The following EP300 variants were observed in gnomAD, a reference collection of about 807,000 sequenced individuals.
EP300 encodes the protein EP300 lysine acetyltransferase, also known as histone acetyltransferase p300.
In EP300, 31 loss-of-function variants were observed where a neutral mutation model predicts 264.0. That is an observed-to-expected ratio of 0.12 (90% CI 0.09 to 0.16). The LOEUF (loss-of-function observed/expected upper bound fraction) is 0.16. Among genes scored for constraint, EP300 ranks in the 10% least tolerant of loss-of-function variants. The pLI is 1.00. For synonymous variants in EP300, 1,340 were observed against 1,045.4 expected, an observed-to-expected ratio of 1.28 and a Z score of -5.44; for missense variants, 2,766 against 3,052.9, an observed-to-expected ratio of 0.91 and a Z score of 2.21.
chr22:41,100,598 T>G (rs1023644020), intron 1 of EP300, among the ~76,000 whole-genome samples: 1 of 152,218 alleles, frequency 6.6e-6, no homozygotes, highest in African/African-American at 2.4e-5. Flanking sequence ...TGTACAGACT[T>G]TATTTTCTTG....
chr22:41,093,320 C>T (rs2058684517), intron 1 of EP300, among the ~76,000 whole-genome samples: 1 of 152,152 alleles, frequency 6.6e-6, no homozygotes, highest in Non-Finnish European at 1.5e-5. Flanking sequence ...GGTGTGTGTT[C>T]TGGAATTAGA....
chr22:41,169,071 C>T, intron 25 of EP300: 2 of 698,352 alleles, frequency 2.9e-6, no homozygotes, highest in Non-Finnish European at 5.0e-6. Flanking sequence ...CTTCTGTGGT[C>T]ATAGTAATAA....
intron 7 of EP300, among the ~76,000 whole-genome samples, chr22:41,137,315 C>A (rs758518304): frequency 2.8e-5 from 4 of 144,724 alleles, no homozygotes; most frequent in African/African-American, 1.0e-4. Flanking sequence ...TGGGATTGCA[C>A]CACTACAGTC....
At position 41,177,437 on chromosome 22, in the gene EP300, C is replaced by T. The variant is rs759814127; in HGVS notation, c.5726C>T (p.Thr1909Ile). ...GKAAGQVTPP[T>I]PPQTAQPPLP... ...GCAGCAGGCCAGGTGACCCCTCCAA[C>T]CCCTCCTCAGACTGCTCAGCCACCC... Residue 1909 changes from threonine to isoleucine, a missense_variant, in exon 31 of 31, where the codon ACC (threonine) becomes ATC (isoleucine). By Grantham distance (89) the Thr-to-Ile change is moderately conservative. Coordinates refer to ENST00000263253, the MANE Select transcript of EP300 (RefSeq NM_001429.4). The T allele has an allele frequency of 2.5e-6, 4 of 1,614,182 alleles. No homozygotes were observed. In the South Asian group the frequency reaches 3.3e-5, roughly 13 times the overall value.
intron 6 of EP300, among the ~76,000 whole-genome samples, chr22:41,133,385 A>G (rs1404655163): frequency 2.6e-5 from 4 of 151,992 alleles, no homozygotes; most frequent in African/African-American, 9.7e-5. Flanking sequence ...TCCTGACCTC[A>G]GGTGATCTGC....
At chr22:41,118,057 C>A (rs559626354) in intron 2 of EP300, among the ~76,000 whole-genome samples, 1 of 152,196 alleles carries the variant, frequency 6.6e-6, no homozygotes, top group Non-Finnish European at 1.5e-5. Flanking sequence ...CTCTCTGGCA[C>A]AAGTATTGGA....
rs1445263887 is a variant in EP300 at position 41,152,333 on chromosome 22, G to A, written c.3125G>A (p.Gly1042Glu). Residue 1042 changes from glycine (G) to glutamate (E), a missense_variant, in exon 16 of 31, where the codon GGA becomes GAA. By Grantham distance (98) the Gly-to-Glu change is moderately conservative. Coordinates refer to ENST00000263253, the MANE Select transcript of EP300 (RefSeq NM_001429.4). ...GCTACCCAGTCATCTCCGGCTCCAGGACAGTCAAAGAAAAAGAGTGAGTCT... is the reference window on the plus strand; with the variant it reads ...GCTACCCAGTCATCTCCGGCTCCAGAACAGTCAAAGAAAAAGAGTGAGTCT... ...TSATQSSPAP[G>E]QSKKKIFKPE... is the part of the protein sequence containing the mutation. 1 of 1,613,530 alleles carries A rather than the reference G, an allele frequency of 6.2e-7. No individual in the cohort carries two copies. Among genetic ancestry groups the A allele is most frequent in the Non-Finnish European group, 8.5e-7 (1 of 1,179,818 alleles).
intron 23 of EP300, among the ~76,000 whole-genome samples, chr22:41,167,582 GTGTATA>G (rs1267177069): frequency 3.3e-3 from 71 of 21,600 alleles, no homozygotes; most frequent in Non-Finnish European, 4.7e-3. Context: ...GTGTGTGTGT[GTGTATA>G]TATATATATA....
chr22:41,125,335 G>T (rs2058875378), intron 2 of EP300, among the ~76,000 whole-genome samples: 1 of 151,650 alleles, frequency 6.6e-6, no homozygotes, highest in Non-Finnish European at 1.5e-5. Context: ...AGCCAGGATA[G>T]TCTCTATCTC....
rs143533118 is a variant in EP300 at position 41,164,625 on chromosome 22, G to C, written c.3806+495G>C. Among the ~76,000 whole-genome samples the C allele has an allele frequency of 1.8e-4, 27 of 152,304 alleles. No homozygotes were observed. In the East Asian group the frequency reaches 3.9e-3, roughly 22 times the overall value. ...ACTCAGGAGGGAGGCTGAGGGAAGA[G>C]AATCACTTGAACCTGTGAGGGGGAG... On this transcript the variant is annotated intron_variant, in intron 22 of 30. Transcript: ENST00000263253.
At chr22:41,117,948 A>AT in intron 2 of EP300, 127 bp downstream of exon 2, 2 of 1,480,260 alleles carry the variant, frequency 1.4e-6, no homozygotes, top group Non-Finnish European at 9.2e-7. Context: ...CTGTGCTGTC[A>AT]TAAGTTTTAA....
At chr22:41,150,845 T>A (rs1042759946) in intron 14 of EP300, among the ~76,000 whole-genome samples, 1 of 151,188 alleles carries the variant, frequency 6.6e-6, no homozygotes, top group African/African-American at 2.4e-5. Context: ...GATCCGAGAT[T>A]GCGCCACTGC....
At chr22:41,150,656 T>G (rs1601620310) in intron 14 of EP300, among the ~76,000 whole-genome samples, 1 of 151,956 alleles carries the variant, frequency 6.6e-6, no homozygotes, top group Non-Finnish European at 1.5e-5. Context: ...TGGGAGGCTG[T>G]GGCAGGCAGA....
At chr22:41,155,643 C>T (rs1169475985) in intron 17 of EP300, among the ~76,000 whole-genome samples, 1 of 152,166 alleles carries the variant, frequency 6.6e-6, no homozygotes, top group African/African-American at 2.4e-5. Context: ...TCTCCCATAG[C>T]ACCCCAATCC....
chr22:41,147,790 C>G (rs781506517), intron 11 of EP300, 47 bp from the exon 12 acceptor site: 1 of 1,217,768 alleles, frequency 8.2e-7, no homozygotes, highest in South Asian at 1.2e-5. Flanking sequence ...TTTTATTATT[C>G]AATTTCACAA....
chr22:41,161,329 A>G (rs575227846), intron 20 of EP300, among the ~76,000 whole-genome samples: 1 of 152,300 alleles, frequency 6.6e-6, no homozygotes, highest in Non-Finnish European at 1.5e-5. Flanking sequence ...CTAATAGTTT[A>G]ATCTCTGGCC....
rs576934458 is a variant in EP300, at chr22:41,151,282, T to G, written c.2818-551T>G. Among the ~76,000 whole-genome samples, 22 of 152,208 alleles carry G rather than the reference T, an allele frequency of 1.4e-4. No homozygotes were observed. In the South Asian group the frequency reaches 4.1e-3, roughly 29 times the overall value. ...CAGTGGATCTGCTTGATTTTATTCT[T>G]TATAAAATCAAGGATACTTCCAGAA... On this transcript the variant is annotated intron_variant, in intron 14 of 30. Coordinates refer to ENST00000263253, the MANE Select transcript of EP300 (RefSeq NM_001429.4).
At chr22:41,145,871 G>A (rs895475181) in intron 10 of EP300, among the ~76,000 whole-genome samples, 2 of 151,892 alleles carry the variant, frequency 1.3e-5, no homozygotes, top group Non-Finnish European at 2.9e-5. Flanking sequence ...TCCTGACCTC[G>A]TGATCCGCCC....
intron 1 of EP300, among the ~76,000 whole-genome samples, chr22:41,113,414 G>T (rs1456642631): frequency 1.3e-5 from 2 of 151,666 alleles, no homozygotes; most frequent in African/African-American, 4.8e-5. Flanking sequence ...CCTATTTCCT[G>T]TTTCGTTTAT....
Sources: allele counts gnomAD v4.1 joint callset (sites outside exome capture counted in the v4.1 genomes callset), GRCh38; gene constraint gnomAD v4.1.1; transcripts MANE v1.5; gene names NCBI Gene and HGNC (gene_info 2026-07-23, HGNC 2026-07-21).